The following LRRC28 variants were observed in gnomAD, a reference collection of about 807,000 sequenced individuals.
The protein encoded by LRRC28 is leucine rich repeat containing 28.
A neutral mutation model predicts 45.7 loss-of-function variants in LRRC28; 39 were observed. The ratio of observed to expected loss-of-function variants is 0.85; its 90% CI spans 0.66 to 1.12. LRRC28 has a LOEUF of 1.12. Ranked by LOEUF, LRRC28 falls within the 50% of genes most tolerant of loss-of-function variation. The probability of loss-of-function intolerance (pLI) is 0.00; values close to 1 mark genes in which losing one functional copy is unlikely to be tolerated. For synonymous variants in LRRC28, 206 were observed against 178.8 expected, an observed-to-expected ratio of 1.15 and a Z score of -1.22; for missense variants, 435 against 438.5, an observed-to-expected ratio of 0.99 and a Z score of 0.07.
At chr15:99,340,051 G>A (rs72758831) in intron 6 of LRRC28, among the ~76,000 whole-genome samples, 4,457 of 152,354 alleles carry the variant, frequency 0.029, 97 homozygotes, top group Middle Eastern at 0.044. Context: ...AAGAATTTTA[G>A]TGGACAAGCA....
intron 2 of LRRC28, chr15:99,257,996 C>G (rs2081075949): frequency 2.2e-6 from 2 of 922,140 alleles, no homozygotes; most frequent in Non-Finnish European, 3.6e-6. Context: ...TGAAAATGCT[C>G]TTTCTGGAAA....
At chr15:99,378,358 A>G (rs1200243094) in intron 9 of LRRC28, among the ~76,000 whole-genome samples, 6 of 152,220 alleles carry the variant, frequency 3.9e-5, no homozygotes, top group Non-Finnish European at 8.8e-5. Flanking sequence ...ATTGGTGTAT[A>G]AGAATGCTTG....
chr15:99,347,334 C>G (rs1012754863), intron 6 of LRRC28, among the ~76,000 whole-genome samples: 13 of 152,066 alleles, frequency 8.5e-5, no homozygotes, highest in South Asian at 2.1e-4. Flanking sequence ...CTCAGCCTCC[C>G]GAGTAGCTGG....
In LRRC28 at chr15:99,384,520, A is replaced by G. The variant is rs948926496; in HGVS notation, c.1032-1510A>G. The G allele has an allele frequency of 4.6e-5, 7 of 152,334 alleles. No individual in the cohort carries two copies. In the East Asian group the frequency reaches 1.4e-3, roughly 29 times the overall value. The allele number at this position is 152,334 out of a possible 1,614,324, so 9.4% of individuals were successfully genotyped here. ...GGATTCACTTAAGGCCACCATAAAAACTTTCTGATTCTCTGTCCATGCCTT... is the reference window on the plus strand; with the variant it reads ...GGATTCACTTAAGGCCACCATAAAAGCTTTCTGATTCTCTGTCCATGCCTT... On this transcript the variant is annotated intron_variant, in intron 9 of 9. Coordinates refer to ENST00000301981, the MANE Select transcript of LRRC28 (RefSeq NM_144598.5).
At position 99,275,272 on chromosome 15, in the gene LRRC28, T is replaced by C. The variant is rs72758806; in HGVS notation, c.169-1304T>C. On this transcript the variant is annotated intron_variant, in intron 2 of 9. Coordinates refer to ENST00000301981, the MANE Select transcript of LRRC28 (RefSeq NM_144598.5). ...GACTTTTGTTCTAGGATTCTTTTCA[T>C]GGAAAGGCCAGCCCTTTCAGGGCTC... Among the ~76,000 whole-genome samples the C allele has an allele frequency of 4.8e-3, 738 of 152,370 alleles. 4 individuals are homozygous for C. The highest frequency in any genetic ancestry group is 6.9e-3 in the Non-Finnish European group (468 of 68,034).
intron 2 of LRRC28, chr15:99,257,939 A>G: frequency 1.3e-6 from 1 of 771,560 alleles, no homozygotes; most frequent in East Asian, 2.4e-5. Flanking sequence ...TCCTTAGAGA[A>G]CTGATTCTGA....
intron 9 of LRRC28, among the ~76,000 whole-genome samples, chr15:99,371,807 T>C (rs1414274758): frequency 6.6e-6 from 1 of 152,206 alleles, no homozygotes; most frequent in Non-Finnish European, 1.5e-5. Context: ...CAAAAATTAT[T>C]TGTTGACCAT....
At chr15:99,339,560 G>C (rs1040756711) in intron 6 of LRRC28, among the ~76,000 whole-genome samples, 1 of 152,056 alleles carries the variant, frequency 6.6e-6, no homozygotes, top group Non-Finnish European at 1.5e-5. Context: ...GTGAAACCCC[G>C]TCTCTACTAA....
chr15:99,274,985 C>G (rs74764679), intron 2 of LRRC28, among the ~76,000 whole-genome samples: 5,840 of 151,860 alleles, frequency 0.038, 160 homozygotes, highest in Non-Finnish European at 0.06. Context: ...ACAGTTTACC[C>G]TATAGTAGCT....
chr15:99,385,751 T>G (rs559150455), intron 9 of LRRC28, among the ~76,000 whole-genome samples: 53 of 152,228 alleles, frequency 3.5e-4, no homozygotes, highest in African/African-American at 1.2e-3. Context: ...CATTTGTTTT[T>G]TTTTTTTTTC....
chr15:99,379,640 C>A (rs1957755573), intron 9 of LRRC28, among the ~76,000 whole-genome samples: 1 of 152,266 alleles, frequency 6.6e-6, no homozygotes, highest in Non-Finnish European at 1.5e-5. Flanking sequence ...GTTAGGGTGT[C>A]AATTTTAGAT....
At chr15:99,275,820 G>A (rs2081603040) in intron 2 of LRRC28, among the ~76,000 whole-genome samples, 1 of 152,138 alleles carries the variant, frequency 6.6e-6, no homozygotes, top group South Asian at 2.1e-4. Context: ...CCATGACCAT[G>A]GATTATGAGG....
intron 2 of LRRC28, chr15:99,257,905 C>G (rs1298957499): frequency 1.3e-6 from 1 of 769,764 alleles, no homozygotes; most frequent in Non-Finnish European, 2.4e-6. Flanking sequence ...ATCATCAATT[C>G]ATTGTATGAA....
At chr15:99,342,007 A>T (rs980237289) in intron 6 of LRRC28, among the ~76,000 whole-genome samples, 2 of 152,218 alleles carry the variant, frequency 1.3e-5, no homozygotes, top group African/African-American at 2.4e-5. Context: ...TTTGCTCTTC[A>T]TACAAGCAGC....
intron 9 of LRRC28, among the ~76,000 whole-genome samples, chr15:99,372,636 C>T (rs1458404689): frequency 6.6e-6 from 1 of 152,060 alleles, no homozygotes; most frequent in Non-Finnish European, 1.5e-5. Flanking sequence ...AATATGAAAC[C>T]TCCAGGTTAC....
intron 9 of LRRC28, among the ~76,000 whole-genome samples, chr15:99,373,095 G>A (rs1957530024): frequency 6.6e-6 from 1 of 152,124 alleles, no homozygotes; most frequent in African/African-American, 2.4e-5. Flanking sequence ...TACAATTCAA[G>A]ATGATATTTG....
chr15:99,346,906 A>T (rs78105432), intron 6 of LRRC28, among the ~76,000 whole-genome samples: 8,641 of 152,228 alleles, frequency 0.057, 359 homozygotes, highest in Middle Eastern at 0.2. Flanking sequence ...TATTTAAGTA[A>T]ATTTTATTAT....
chr15:99,274,562 ACAG>A (rs1356614877), intron 2 of LRRC28, among the ~76,000 whole-genome samples: 2 of 152,364 alleles, frequency 1.3e-5, no homozygotes, highest in Admixed American at 6.5e-5. Flanking sequence ...TATGCTGCAC[ACAG>A]CAGATCTTAA....
At chr15:99,272,618 T>G (rs2081511641) in intron 2 of LRRC28, among the ~76,000 whole-genome samples, 1 of 152,192 alleles carries the variant, frequency 6.6e-6, no homozygotes. Context: ...TGATTCAGAA[T>G]TTGGGGTAAG....
Sources: allele counts gnomAD v4.1 joint callset (sites outside exome capture counted in the v4.1 genomes callset), GRCh38; gene constraint gnomAD v4.1.1; transcripts MANE v1.5; gene names NCBI Gene and HGNC (gene_info 2026-07-23, HGNC 2026-07-21).